Variants in ZFHX3 observed in about 807,000 individuals in gnomAD.
ZFHX3 encodes zinc finger homeobox 3, also known as zinc finger homeobox protein 3.
Under a neutral mutation model 279.1 loss-of-function variants are expected in ZFHX3, and 42 were observed. That is an observed-to-expected ratio of 0.15 (90% CI 0.12 to 0.19). ZFHX3 has a LOEUF of 0.19. Among genes scored for constraint, ZFHX3 ranks in the 10% least tolerant of loss-of-function variants. ZFHX3 has a pLI of 1.00. For synonymous variants in ZFHX3, 2,293 were observed against 1,957.8 expected (o/e 1.17, Z -4.52); for missense variants, 4,981 against 4,754.0 (o/e 1.05, Z -1.40).
chr16:73,355,147 C>T (rs904108372), intron 3 of ZFHX3, among the ~76,000 whole-genome samples: 5 of 152,152 alleles, frequency 3.3e-5, no homozygotes, highest in African/African-American at 4.8e-5. Context: ...AACCTTGAAC[C>T]GAGATTCCAT....
intron 4 of ZFHX3, among the ~76,000 whole-genome samples, chr16:72,872,111 A>C (rs1257390450): frequency 6.6e-6 from 1 of 151,814 alleles, no homozygotes; most frequent in Non-Finnish European, 1.5e-5. Flanking sequence ...AAACAAAAAA[A>C]AAATTTCAAG....
intron 3 of ZFHX3, among the ~76,000 whole-genome samples, chr16:73,374,628 C>T (rs181643798): frequency 6.6e-6 from 1 of 152,168 alleles, no homozygotes; most frequent in Non-Finnish European, 1.5e-5. Context: ...ATTTTTGAAG[C>T]CTGAATTAGG....
At chr16:72,851,293 T>A (rs1216978170) in intron 4 of ZFHX3, among the ~76,000 whole-genome samples, 1 of 152,030 alleles carries the variant, frequency 6.6e-6, no homozygotes, top group Non-Finnish European at 1.5e-5. Context: ...ATCCACGAAG[T>A]GACTTTACAT....
At chr16:73,519,502 A>G (rs1166134983) in intron 2 of ZFHX3, among the ~76,000 whole-genome samples, 4 of 152,078 alleles carry the variant, frequency 2.6e-5, no homozygotes, top group East Asian at 3.9e-4. Flanking sequence ...AAGTTGTCCT[A>G]CTTTCAGAAT....
intron 1 of ZFHX3, among the ~76,000 whole-genome samples, chr16:73,729,908 T>C (rs1407431143): frequency 6.6e-6 from 1 of 152,176 alleles, no homozygotes; most frequent in Admixed American, 6.5e-5. Flanking sequence ...GTTAAGTTAG[T>C]GTAAAAAATA....
At chr16:73,084,508 G>C (rs927214904) in intron 8 of ZFHX3, among the ~76,000 whole-genome samples, 3 of 147,556 alleles carry the variant, frequency 2.0e-5, no homozygotes, top group Non-Finnish European at 4.4e-5. Flanking sequence ...AAATACCTAG[G>C]ACTAAATTTT....
chr16:73,251,801 C>T (rs923187421), intron 5 of ZFHX3, among the ~76,000 whole-genome samples: 23 of 139,838 alleles, frequency 1.6e-4, no homozygotes, highest in South Asian at 4.6e-4. Flanking sequence ...CATGCACACA[C>T]GCACACACCA....
intron 2 of ZFHX3, among the ~76,000 whole-genome samples, chr16:73,466,332 A>C (rs555957012): frequency 6.6e-6 from 1 of 152,250 alleles, no homozygotes; most frequent in African/African-American, 2.4e-5. Context: ...AAAGTAGGAA[A>C]ATTATCTGGG....
intron 2 of ZFHX3, among the ~76,000 whole-genome samples, chr16:73,597,141 C>G (rs1488009143): frequency 6.6e-6 from 1 of 152,184 alleles, no homozygotes; most frequent in East Asian, 1.9e-4. Flanking sequence ...GGCTCAGGTT[C>G]TTTTCCAAAC....
chr16:73,021,570 C>G (rs1486445243), intron 1 of ZFHX3, among the ~76,000 whole-genome samples: 1 of 152,076 alleles, frequency 6.6e-6, no homozygotes, highest in African/African-American at 2.4e-5. Flanking sequence ...GTGGCTCACA[C>G]CTATAATACC....
At chr16:73,490,560 C>T (rs1293318312) in intron 2 of ZFHX3, among the ~76,000 whole-genome samples, 1 of 152,172 alleles carries the variant, frequency 6.6e-6, no homozygotes, top group African/African-American at 2.4e-5. Flanking sequence ...TAAAATAGGT[C>T]AGTGCAGTGG....
intron 2 of ZFHX3, among the ~76,000 whole-genome samples, chr16:73,589,805 A>G (rs2051975158): frequency 6.9e-6 from 1 of 144,660 alleles, no homozygotes; most frequent in African/African-American, 2.5e-5. Flanking sequence ...TGACTTTGGA[A>G]CCTGGTAAAA....
intron 5 of ZFHX3, among the ~76,000 whole-genome samples, chr16:73,209,105 A>G (rs2011913227): frequency 3.3e-5 from 5 of 152,212 alleles, no homozygotes; most frequent in Admixed American, 3.3e-4. Flanking sequence ...AAGGCCAAAC[A>G]ACACAAAAAC....
chr16:72,908,028 C>A (rs532555298), intron 3 of ZFHX3, among the ~76,000 whole-genome samples: 1 of 152,090 alleles, frequency 6.6e-6, no homozygotes, highest in South Asian at 2.1e-4. Context: ...TCTCACCTCC[C>A]GCCCTTTTTC....
At chr16:73,153,672 A>G (rs991784864) in intron 5 of ZFHX3, among the ~76,000 whole-genome samples, 3 of 151,794 alleles carry the variant, frequency 2.0e-5, no homozygotes, top group Non-Finnish European at 4.4e-5. Context: ...ATTTTTTGAG[A>G]TGGGGTCTAG....
chr16:73,515,843 A>G (rs768102941), intron 2 of ZFHX3, among the ~76,000 whole-genome samples: 1 of 152,232 alleles, frequency 6.6e-6, no homozygotes, highest in African/African-American at 2.4e-5. Context: ...TGCAATGATT[A>G]TGTGGCTGGA....
At position 72,958,652 on chromosome 16, in the gene ZFHX3, C is replaced by G; in HGVS notation, c.1494G>C (p.Glu498Asp). ...DEGCKGLFPS[E>D]LDEELEDRPH... Reference sequence around the variant, plus strand: ...GCCTGTCCTCCAGTTCCTCATCCAACTCGCTTGGAAAGAGTCCTTTGCAAC... The same window carrying G: ...GCCTGTCCTCCAGTTCCTCATCCAAGTCGCTTGGAAAGAGTCCTTTGCAAC... Residue 498 changes from glutamate to aspartate, a missense_variant, in exon 2 of 10, where the codon GAG becomes GAC. Glu to Asp is a conservative substitution (Grantham distance 45, BLOSUM62 2). Coordinates refer to ENST00000268489, the MANE Select transcript of ZFHX3 (RefSeq NM_006885.4). 1 of 1,614,040 alleles carries G rather than the reference C, an allele frequency of 6.2e-7. No homozygotes were observed. Among genetic ancestry groups the G allele is most frequent in the Non-Finnish European group, 8.5e-7 (1 of 1,180,040 alleles).
chr16:73,313,483 A>G (rs2015374813), intron 4 of ZFHX3, among the ~76,000 whole-genome samples: 1 of 152,180 alleles, frequency 6.6e-6, no homozygotes, highest in South Asian at 2.1e-4. Context: ...ATTTACCATA[A>G]CACCCTAAGG....
chr16:73,862,512 C>T (rs1961910704), intron 1 of ZFHX3, among the ~76,000 whole-genome samples: 3 of 152,312 alleles, frequency 2.0e-5, no homozygotes, highest in African/African-American at 7.2e-5. Context: ...CTGTGACTCA[C>T]GTCTATAATC....
Sources: allele counts gnomAD v4.1 joint callset (sites outside exome capture counted in the v4.1 genomes callset), GRCh38; gene constraint gnomAD v4.1.1; transcripts MANE v1.5; gene names NCBI Gene and HGNC (gene_info 2026-07-23, HGNC 2026-07-21).